The following NFKB1 variants were observed in gnomAD, a reference collection of about 807,000 sequenced individuals.
The protein encoded by NFKB1 is nuclear factor NF-kappa-B p105 subunit.
Under a neutral mutation model 105.1 loss-of-function variants are expected in NFKB1, and 9 were observed. The observed-to-expected ratio is 0.09, with a 90% CI of 0.05 to 0.15. The LOEUF (loss-of-function observed/expected upper bound fraction) is 0.15. NFKB1 is among the 10% of genes least tolerant of loss of function. The pLI is 1.00. For synonymous variants in NFKB1, 440 were observed against 442.2 expected, an observed-to-expected ratio of 1.00 and a Z score of 0.06; for missense variants, 830 against 1,203.7, an observed-to-expected ratio of 0.69 and a Z score of 4.59.
At chr4:102,545,836 A>G (rs1722094652) in intron 5 of NFKB1, among the ~76,000 whole-genome samples, 1 of 152,188 alleles carries the variant, frequency 6.6e-6, no homozygotes, top group Admixed American at 6.6e-5. Context: ...GCAACATATT[A>G]CAACAGATAA....
intron 4 of NFKB1, among the ~76,000 whole-genome samples, chr4:102,535,396 T>A (rs1311533451): frequency 6.6e-6 from 1 of 152,198 alleles, no homozygotes; most frequent in African/African-American, 2.4e-5. Flanking sequence ...GAAGGGTTAA[T>A]GTAGTTCCAA....
In NFKB1 at chr4:102,601,657, C is replaced by A. The variant is rs575561518; in HGVS notation, c.1752+648C>A. Among the ~76,000 whole-genome samples, 19 of 152,300 alleles carry A rather than the reference C, an allele frequency of 1.2e-4. 1 individual carries two copies. In the South Asian group the frequency reaches 3.9e-3, roughly 32 times the overall value. ...CTGCAAAGGGAGAGTTAGCTGGAGA[C>A]ACAGCGAGGCCCTTTGATGGGCATA... On this transcript the variant is annotated intron_variant, in intron 16 of 23. Coordinates refer to ENST00000226574, the MANE Select transcript of NFKB1 (RefSeq NM_003998.4).
At position 102,589,222 on chromosome 4, in the gene NFKB1, C is replaced by A. The variant is rs530452366; in HGVS notation, c.1067-4203C>A. On this transcript the variant is annotated intron_variant, in intron 11 of 23. Transcript: ENST00000226574. The stretch of plus-strand genomic sequence containing the variant: ...GAATACATAGAAAATACTAACTAGT[C>A]TCTTTGCTGGAATCCATGTCAATAG... 1.1e-4 allele frequency among the ~76,000 whole-genome samples: 16 copies of A among 152,304 alleles called. No individual in the cohort carries two copies. In the South Asian group the frequency reaches 3.1e-3, roughly 30 times the overall value.
intron 1 of NFKB1, among the ~76,000 whole-genome samples, chr4:102,512,780 A>G (rs1189862167): frequency 1.3e-5 from 2 of 152,192 alleles, no homozygotes; most frequent in Non-Finnish European, 2.9e-5. Flanking sequence ...TATTTCTTCA[A>G]AGGAACCCTT....
intron 2 of NFKB1, among the ~76,000 whole-genome samples, chr4:102,527,735 T>G (rs1485483746): frequency 6.6e-6 from 1 of 152,152 alleles, no homozygotes; most frequent in African/African-American, 2.4e-5. Context: ...TTGTTTTACC[T>G]TTCGCTTTTA....
chr4:102,546,576 A>G (rs185915386), intron 5 of NFKB1, among the ~76,000 whole-genome samples: 7 of 152,278 alleles, frequency 4.6e-5, no homozygotes, highest in Non-Finnish European at 7.4e-5. Context: ...CCGTAAGACA[A>G]AAGAAAACTT....
At chr4:102,589,093 T>C (rs186430164) in intron 11 of NFKB1, among the ~76,000 whole-genome samples, 34 of 152,340 alleles carry the variant, frequency 2.2e-4, no homozygotes, top group Admixed American at 1.3e-4. Flanking sequence ...TTTCTTGTCA[T>C]TGGAATCTTA....
At chr4:102,517,304 G>A (rs1740257058) in intron 1 of NFKB1, among the ~76,000 whole-genome samples, 1 of 152,146 alleles carries the variant, frequency 6.6e-6, no homozygotes, top group Admixed American at 6.5e-5. Flanking sequence ...GAAGTCCAAT[G>A]TCTTAAATTA....
At chr4:102,566,922 T>C in intron 5 of NFKB1, 65 bp from the exon 6 acceptor site, 7 of 1,544,606 alleles carry the variant, frequency 4.5e-6, no homozygotes. Flanking sequence ...TGGCTTATCA[T>C]AAACATGTTT....
chr4:102,580,700 A>T, intron 9 of NFKB1, 61 bp downstream of exon 9: 1 of 1,347,048 alleles, frequency 7.4e-7, no homozygotes, highest in Non-Finnish European at 1.1e-6. Context: ...TACAGTTCTG[A>T]GTGTGTCTGT....
intron 2 of NFKB1, among the ~76,000 whole-genome samples, chr4:102,527,299 A>C (rs1740985042): frequency 6.6e-6 from 1 of 152,202 alleles, no homozygotes; most frequent in Non-Finnish European, 1.5e-5. Context: ...GGAAGAGCAG[A>C]GTTACGGAGG....
At chr4:102,530,755 A>G (rs1741235570) in intron 3 of NFKB1, among the ~76,000 whole-genome samples, 2 of 152,150 alleles carry the variant, frequency 1.3e-5, no homozygotes, top group South Asian at 2.1e-4. Context: ...CATGGTTACT[A>G]CAGTACTTAC....
intron 1 of NFKB1, among the ~76,000 whole-genome samples, chr4:102,506,978 T>A (rs1383111170): frequency 6.7e-6 from 1 of 149,584 alleles, no homozygotes; most frequent in Non-Finnish European, 1.5e-5. Context: ...TATTTGTAAC[T>A]AATATGTATA....
intron 22 of NFKB1, 45 bp downstream of exon 22, chr4:102,612,651 C>G: frequency 1.3e-6 from 2 of 1,550,520 alleles, no homozygotes; most frequent in Non-Finnish European, 1.8e-6. Context: ...TTTGACTTTA[C>G]TCTGTTAACA....
In NFKB1 at chr4:102,606,592, A is replaced by T. The variant is rs775599472; in HGVS notation, c.1849A>T (p.Asn617Tyr). 1 of 1,614,156 alleles carries T rather than the reference A, an allele frequency of 6.2e-7. No individual in the cohort carries two copies. Among genetic ancestry groups the T allele is most frequent in the Non-Finnish European group, 8.5e-7 (1 of 1,180,024 alleles). ...CCTGAGCCTTCTGGACCGCTTGGGTAACTCTGTTTTGCACCTAGCTGCCAA... is the reference window on the plus strand; with the variant it reads ...CCTGAGCCTTCTGGACCGCTTGGGTTACTCTGTTTTGCACCTAGCTGCCAA... ...ADLSLLDRLG[N>Y]SVLHLAAKEG... The change falls in exon 17 of 24, where the codon AAC (asparagine) becomes TAC (tyrosine). Residue 617 changes from asparagine to tyrosine, a missense_variant. By Grantham distance (143) the Asn-to-Tyr change is moderately radical (BLOSUM62 -2). Around this residue, in one of 8 missense-constraint regions of NFKB1, gnomAD observed 418 missense variants for 575.3 expected, o/e 0.73. Coordinates refer to ENST00000226574, the MANE Select transcript of NFKB1 (RefSeq NM_003998.4).
In NFKB1 at chr4:102,511,835, G is replaced by C. The variant is rs182153888; in HGVS notation, c.-8+10047G>C. On this transcript the variant is annotated intron_variant, in intron 1 of 23. Transcript: ENST00000226574. ...TAACCTAGTGGGTGGTCAAGAAATA[G>C]AACACTGGCAGCACTGCAAAAGCAT... Among the ~76,000 whole-genome samples the C allele has an allele frequency of 3.4e-3, 517 of 152,278 alleles. 3 individuals are homozygous for C. Among genetic ancestry groups the C allele is most frequent in the African/African-American group, 0.012 (492 of 41,538 alleles).
intron 5 of NFKB1, among the ~76,000 whole-genome samples, chr4:102,562,437 G>A (rs571262330): frequency 1.3e-5 from 2 of 152,182 alleles, no homozygotes; most frequent in African/African-American, 4.8e-5. Context: ...ACCATGCATC[G>A]CTTCATCCCC....
chr4:102,583,005 G>T, intron 10 of NFKB1, 48 bp downstream of exon 10: 1 of 1,319,204 alleles, frequency 7.6e-7, no homozygotes, highest in Non-Finnish European at 1.1e-6. Context: ...TTAGAGATGG[G>T]ATCTCACTCT....
At chr4:102,559,778 T>A (rs1267475750) in intron 5 of NFKB1, among the ~76,000 whole-genome samples, 1 of 150,520 alleles carries the variant, frequency 6.6e-6, no homozygotes, top group African/African-American at 2.4e-5. Flanking sequence ...TCTGTCTATA[T>A]GGAAAAAAAA....
Sources: gnomAD v4.1 joint callset for allele counts (sites outside exome capture counted in the v4.1 genomes callset) on GRCh38, gnomAD v4.1.1 for gene constraint, gnomAD v4.1.1 regional missense constraint, MANE v1.5 for transcripts, NCBI Gene and HGNC (gene_info 2026-07-23, HGNC 2026-07-21) for gene names.